AFF1: variants seen among roughly 807,000 people sequenced by gnomAD.
AFF1 encodes AF4/FMR2 family member 1.
A neutral mutation model predicts 121.7 loss-of-function variants in AFF1; 48 were observed. That is an observed-to-expected ratio of 0.39 (90% CI 0.31 to 0.50). The LOEUF is 0.50. Ranked by LOEUF, AFF1 falls within the 20% of genes least tolerant of loss-of-function variation. The probability of loss-of-function intolerance (pLI) is 0.76; values close to 1 mark genes in which losing one functional copy is unlikely to be tolerated. For missense variants in AFF1, 1,523 were observed against 1,511.7 expected, an observed-to-expected ratio of 1.01 and a Z score of -0.12; for synonymous variants, 613 against 563.0, an observed-to-expected ratio of 1.09 and a Z score of -1.26.
chr4:87,067,739 A>G (rs1328245128), intron 4 of AFF1, among the ~76,000 whole-genome samples: 1 of 152,214 alleles, frequency 6.6e-6, no homozygotes, highest in Non-Finnish European at 1.5e-5. Context: ...TTCTTTGGAA[A>G]CATGTGTTTC....
At position 87,107,815 on chromosome 4, in the gene AFF1, A is replaced by G. The variant is rs2149750712; in HGVS notation, c.1377-344A>G. Reference sequence around the variant, plus strand: ...AAAATGGGTATGGGTGTCTTCCAATAAGACTTTATTTAGAAAAGCAGGCAG... The same window carrying G: ...AAAATGGGTATGGGTGTCTTCCAATGAGACTTTATTTAGAAAAGCAGGCAG... On this transcript the variant is annotated intron_variant, in intron 10 of 20. Coordinates refer to ENST00000395146, the MANE Select transcript of AFF1 (RefSeq NM_001166693.3). 1.3e-5 allele frequency among the ~76,000 whole-genome samples: 2 copies of G among 152,352 alleles called. 1 individual carries two copies. Among genetic ancestry groups the G allele is most frequent in the East Asian group, 3.9e-4 (2 of 5,190 alleles).
At chr4:87,060,332 T>G (rs778969338) in intron 4 of AFF1, among the ~76,000 whole-genome samples, 6 of 152,202 alleles carry the variant, frequency 3.9e-5, no homozygotes, top group Non-Finnish European at 8.8e-5. Flanking sequence ...TTGTATTAAA[T>G]AAGACACTGG....
chr4:86,981,281 A>G lies in AFF1; in HGVS notation c.38+32710A>G, dbSNP rs1723735820. Among the ~76,000 whole-genome samples the G allele has an allele frequency of 4.6e-5, 7 of 152,168 alleles. No homozygotes were observed. The South Asian group carries it at 1.4e-3, about 32-fold the overall frequency. On this transcript the variant is annotated intron_variant, in intron 2 of 20. Coordinates refer to ENST00000395146, the MANE Select transcript of AFF1 (RefSeq NM_001166693.3). The stretch of plus-strand genomic sequence containing the variant: ...CCTGCCTCAGCCTCCCAAACTTAAC[A>G]GTTTTTTAAGTTGATTATGTAGGAA...
At chr4:86,955,515 G>T (rs938309641) in intron 2 of AFF1, among the ~76,000 whole-genome samples, 1 of 151,966 alleles carries the variant, frequency 6.6e-6, no homozygotes, top group Non-Finnish European at 1.5e-5. Context: ...TTTCTCCTTG[G>T]AATCTTGAAA....
intron 4 of AFF1, among the ~76,000 whole-genome samples, chr4:87,063,459 G>C (rs891491660): frequency 1.3e-5 from 2 of 151,856 alleles, no homozygotes; most frequent in Admixed American, 6.6e-5. Flanking sequence ...GGCTGTTCTC[G>C]AACTCCCAGC....
At chr4:87,066,507 A>C (rs1721363349) in intron 4 of AFF1, among the ~76,000 whole-genome samples, 2 of 152,326 alleles carry the variant, frequency 1.3e-5, no homozygotes, top group South Asian at 4.1e-4. Context: ...GGATCACTTC[A>C]GCTCAAGAGC....
At chr4:87,125,176 C>T (rs200864911) in intron 13 of AFF1, 33 bp downstream of exon 13, 31 of 1,510,864 alleles carry the variant, frequency 2.1e-5, no homozygotes, top group South Asian at 1.1e-4. Flanking sequence ...ACCTAATCTA[C>T]GGTGATCAAC....
chr4:87,129,254 G>C (rs1728582893), intron 16 of AFF1, among the ~76,000 whole-genome samples: 1 of 152,198 alleles, frequency 6.6e-6, no homozygotes, highest in South Asian at 2.1e-4. Flanking sequence ...ATGTTTCAAA[G>C]ATGTGCAGTT....
At chr4:87,131,628 A>G (rs1031509753) in intron 17 of AFF1, among the ~76,000 whole-genome samples, 165 bp from the exon 18 acceptor site, 5 of 152,194 alleles carry the variant, frequency 3.3e-5, no homozygotes, top group Admixed American at 6.5e-5. Context: ...AGTTTTCTCA[A>G]TGGCCTGGAT....
At position 86,950,043 on chromosome 4, in the gene AFF1, A is replaced by G; in HGVS notation, c.38+1472A>G. On this transcript the variant is annotated intron_variant, in intron 2 of 20. Coordinates refer to ENST00000395146, the MANE Select transcript of AFF1 (RefSeq NM_001166693.3). ...TGAGCTCCGTAGGTAGGGGGAGTGTAGAGAGGGTGATTGATGTAATAGGCC... is the reference window on the plus strand; with the variant it reads ...TGAGCTCCGTAGGTAGGGGGAGTGTGGAGAGGGTGATTGATGTAATAGGCC... 2.5e-6 allele frequency: 4 copies of G among 1,614,090 alleles called. No individual in the cohort carries two copies. In the South Asian group the frequency reaches 4.4e-5, roughly 18 times the overall value.
intron 2 of AFF1, among the ~76,000 whole-genome samples, chr4:86,980,083 G>A (rs1560514610): frequency 6.6e-6 from 1 of 152,084 alleles, no homozygotes; most frequent in Non-Finnish European, 1.5e-5. Context: ...GCTAATTCTT[G>A]TGTTTTTAGT....
At chr4:87,063,457 T>G (rs1364606762) in intron 4 of AFF1, among the ~76,000 whole-genome samples, 1 of 152,060 alleles carries the variant, frequency 6.6e-6, no homozygotes, top group Non-Finnish European at 1.5e-5. Context: ...GAGGCTGTTC[T>G]CGAACTCCCA....
In AFF1 at chr4:87,137,734, A is replaced by C. The variant is rs532360230; in HGVS notation, c.*2033A>C. 4.3e-6 allele frequency: 1 copy of C among 232,648 alleles called. No individual in the cohort carries two copies. Among genetic ancestry groups the C allele is most frequent in the South Asian group, 1.8e-4 (1 of 5,524 alleles). 14.4% of individuals were successfully genotyped at this position (232,648 alleles called of 1,614,324 possible). A position where few individuals can be genotyped will look rare whatever the true frequency, so the allele number is the denominator to read the frequency against. The stretch of plus-strand genomic sequence containing the variant: ...TGTGTCCATCTGTTATATGTAAAGG[A>C]CAAGGCACCAGAATCAGGCTTTATT... On this transcript the variant is annotated 3_prime_UTR_variant, in exon 21 of 21. Coordinates refer to ENST00000395146, the MANE Select transcript of AFF1 (RefSeq NM_001166693.3).
At chr4:86,945,288 G>A (rs1015171037) in intron 1 of AFF1, among the ~76,000 whole-genome samples, 3 of 150,290 alleles carry the variant, frequency 2.0e-5, no homozygotes, top group Admixed American at 1.3e-4. Context: ...TTTAAATAGA[G>A]CCAAGTTAGT....
intron 4 of AFF1, among the ~76,000 whole-genome samples, chr4:87,049,052 A>G (rs1449128185): frequency 1.4e-5 from 2 of 139,702 alleles, no homozygotes; most frequent in Non-Finnish European, 3.1e-5. Flanking sequence ...TTCTTTATCA[A>G]ATAGGGTTAG....
At chr4:86,949,421 G>T (rs1349776709) in intron 2 of AFF1, among the ~76,000 whole-genome samples, 1 of 150,274 alleles carries the variant, frequency 6.7e-6, no homozygotes, top group Non-Finnish European at 1.5e-5. Flanking sequence ...CTCCAAAAAC[G>T]TATTAAATGT....
intron 6 of AFF1, among the ~76,000 whole-genome samples, chr4:87,091,486 TTG>T (rs1477706044): frequency 6.6e-6 from 1 of 152,206 alleles, no homozygotes; most frequent in Non-Finnish European, 1.5e-5. Flanking sequence ...AAAAATATCT[TTG>T]TGCAACAACA....
chr4:87,077,206 A>T (rs1168727959), intron 4 of AFF1, among the ~76,000 whole-genome samples: 1 of 152,246 alleles, frequency 6.6e-6, no homozygotes, highest in Non-Finnish European at 1.5e-5. Context: ...CGTGAAGTTT[A>T]GCAAGTGAAC....
chr4:87,022,240 A>T (rs1409152898), intron 2 of AFF1, among the ~76,000 whole-genome samples: 1 of 151,830 alleles, frequency 6.6e-6, no homozygotes, highest in African/African-American at 2.4e-5. Flanking sequence ...TGCCATGCTA[A>T]AAACACTTTT....
Sources: allele counts gnomAD v4.1 joint callset (sites outside exome capture counted in the v4.1 genomes callset), GRCh38; gene constraint gnomAD v4.1.1; transcripts MANE v1.5; gene names NCBI Gene and HGNC (gene_info 2026-07-23, HGNC 2026-07-21).